TMCO4: variants seen among roughly 807,000 people sequenced by gnomAD.
The protein encoded by TMCO4 is transmembrane and coiled-coil domains 4.
In TMCO4, 58 loss-of-function variants were observed where a neutral mutation model predicts 64.7. The ratio of observed to expected loss-of-function variants is 0.90; its 90% CI spans 0.73 to 1.12. TMCO4 has a LOEUF of 1.12. Ranked by LOEUF, TMCO4 falls within the 50% of genes most tolerant of loss-of-function variation. The probability of loss-of-function intolerance (pLI) is 0.00; values close to 1 mark genes in which losing one functional copy is unlikely to be tolerated. For synonymous variants in TMCO4, 325 were observed against 346.1 expected (o/e 0.94, Z 0.68); for missense variants, 780 against 825.9 (o/e 0.94, Z 0.68).
intron 13 of TMCO4, among the ~76,000 whole-genome samples, chr1:19,709,718 TTC>T (rs988593412): frequency 2.0e-5 from 3 of 151,740 alleles, no homozygotes; most frequent in Non-Finnish European, 4.4e-5. Flanking sequence ...GCTTTTTTGT[TTC>T]TGTTTGTTTT....
intron 13 of TMCO4, among the ~76,000 whole-genome samples, chr1:19,736,102 A>C (rs887772015): frequency 2.0e-5 from 3 of 152,202 alleles, no homozygotes; most frequent in African/African-American, 7.2e-5. Flanking sequence ...AATCGTGAGA[A>C]ATGATCAGTT....
chr1:19,793,487 G>A (rs1048428905), intron 2 of TMCO4, among the ~76,000 whole-genome samples: 2 of 152,092 alleles, frequency 1.3e-5, no homozygotes, highest in Non-Finnish European at 2.9e-5. Context: ...GTCTAGGCAG[G>A]CCCAGGTCAG....
At chr1:19,716,381 C>CTTTTTTTTTTTTTTTTTTTTTTTTTT (rs1262772167) in intron 13 of TMCO4, among the ~76,000 whole-genome samples, 1 of 124,474 alleles carries the variant, frequency 8.0e-6, no homozygotes, top group African/African-American at 3.1e-5. Context: ...TTTTTTCTTT[C>CTTTTTTTTTTTTTTTTTTTTTTTTTT]TTTTTTTTTT....
intron 13 of TMCO4, among the ~76,000 whole-genome samples, 157 bp downstream of exon 13, chr1:19,737,215 C>T (rs150134427): frequency 2.8e-3 from 424 of 152,322 alleles, no homozygotes; most frequent in African/African-American, 8.2e-3. Context: ...AGGTTGATGA[C>T]GATTTTTCTT....
At chr1:19,704,276 G>GCAA (rs2095290729) in intron 13 of TMCO4, among the ~76,000 whole-genome samples, 2 of 152,230 alleles carry the variant, frequency 1.3e-5, no homozygotes, top group African/African-American at 4.8e-5. Context: ...TAGCAAGGAT[G>GCAA]GCTCAGATAT....
At chr1:19,702,984 C>T (rs1222392532) in intron 13 of TMCO4, among the ~76,000 whole-genome samples, 1 of 152,164 alleles carries the variant, frequency 6.6e-6, no homozygotes, top group Non-Finnish European at 1.5e-5. Context: ...TTATTTTTCT[C>T]CTTGTCACAG....
At chr1:19,773,459 C>T (rs1012187930) in intron 4 of TMCO4, among the ~76,000 whole-genome samples, 5 of 152,198 alleles carry the variant, frequency 3.3e-5, no homozygotes, top group Non-Finnish European at 2.9e-5. Context: ...CAGGCCTTTA[C>T]AGCTGTGCAT....
intron 4 of TMCO4, among the ~76,000 whole-genome samples, chr1:19,779,637 CCT>C (rs1282633287): frequency 6.6e-6 from 1 of 152,162 alleles, no homozygotes; most frequent in African/African-American, 2.4e-5. Flanking sequence ...GTATCTGTCC[CCT>C]GTTACAATCA....
chr1:19,702,235 C>T (rs1251518410), intron 13 of TMCO4, among the ~76,000 whole-genome samples: 1 of 136,646 alleles, frequency 7.3e-6, no homozygotes, highest in Non-Finnish European at 1.5e-5. Flanking sequence ...TCCCAAAGTG[C>T]TGGGATTACA....
Position 19,758,816 on chromosome 1 carries a change from C to T in TMCO4, c.383-3050G>A, listed in dbSNP as rs572727003. 5.3e-5 allele frequency among the ~76,000 whole-genome samples: 8 copies of T among 152,276 alleles called. No homozygotes were observed. In the South Asian group the frequency reaches 1.7e-3, roughly 32 times the overall value. On this transcript the variant is annotated intron_variant, in intron 6 of 15. Coordinates refer to ENST00000294543, the MANE Select transcript of TMCO4 (RefSeq NM_181719.7). ...TCCCAATGAAAGGTGCCCCACAGGC[C>T]AGGCGTGGTGGCTCATGCCTGTGCC...
chr1:19,684,063 C>CTTTTT lies in TMCO4; in HGVS notation c.1501-624_1501-620dup, dbSNP rs3048209. Among the ~76,000 whole-genome samples, 645 of 70,314 alleles carry CTTTTT rather than the reference C, an allele frequency of 9.2e-3. 17 individuals carry two copies. The highest frequency in any genetic ancestry group is 0.028 in the African/African-American group (409 of 14,530). 46.1% of individuals were successfully genotyped at this position (70,314 alleles called of 152,430 possible). A position where few individuals can be genotyped will look rare whatever the true frequency, so the allele number is the denominator to read the frequency against. On this transcript the variant is annotated intron_variant, in intron 15 of 15. Coordinates refer to ENST00000294543, the MANE Select transcript of TMCO4 (RefSeq NM_181719.7). ...AGGCGTGAGCCACTGTGCCCGGCAGCTTTTTTTTTTTTTTTTTTTTTTTTT... is the reference window on the plus strand; with the variant it reads ...AGGCGTGAGCCACTGTGCCCGGCAGCTTTTTTTTTTTTTTTTTTTTTTTTTTTTTT...
chr1:19,690,866 CTTT>C (rs34764589), intron 15 of TMCO4, among the ~76,000 whole-genome samples: 3 of 111,274 alleles, frequency 2.7e-5, no homozygotes, highest in African/African-American at 6.9e-5. Context: ...TGTGAAGACT[CTTT>C]TTTTTTTTTT....
intron 13 of TMCO4, among the ~76,000 whole-genome samples, chr1:19,722,444 C>A (rs752020099): frequency 2.0e-5 from 3 of 152,104 alleles, no homozygotes. Context: ...AGCTTAGATG[C>A]GCTATTTTAT....
chr1:19,747,316 A>G, intron 7 of TMCO4, 56 bp from the exon 8 acceptor site: 1 of 1,475,620 alleles, frequency 6.8e-7, no homozygotes, highest in East Asian at 2.3e-5. Context: ...CCCTTGAGAC[A>G]TCCCCACCAC....
At position 19,721,025 on chromosome 1, in the gene TMCO4, T is replaced by G. The variant is rs114808842; in HGVS notation, c.1264+16347A>C. On this transcript the variant is annotated intron_variant, in intron 13 of 15. Coordinates refer to ENST00000294543, the MANE Select transcript of TMCO4 (RefSeq NM_181719.7). ...AATTAACATGTAAGTTAATGAGACT[T>G]TGGGGTGTTTTCTTCTCCGGTTGGA... 2.7e-3 allele frequency among the ~76,000 whole-genome samples: 404 copies of G among 152,238 alleles called. 4 individuals are homozygous for G. Among genetic ancestry groups the G allele is most frequent in the Middle Eastern group, 0.01 (3 of 292 alleles).
chr1:19,787,842 G>A (rs1413318173), intron 2 of TMCO4, among the ~76,000 whole-genome samples: 4 of 152,074 alleles, frequency 2.6e-5, no homozygotes, highest in Admixed American at 6.5e-5. Flanking sequence ...TGCAACCTCC[G>A]CCTCCCAAGT....
chr1:19,798,383 G>C (rs2044438711), intron 1 of TMCO4, among the ~76,000 whole-genome samples, 168 bp from the exon 2 acceptor site: 1 of 152,168 alleles, frequency 6.6e-6, no homozygotes, highest in African/African-American at 2.4e-5. Context: ...CCAGACCCCA[G>C]CTTTTGTGGG....
intron 6 of TMCO4, among the ~76,000 whole-genome samples, chr1:19,770,100 T>C (rs1425158473): frequency 1.3e-5 from 2 of 152,158 alleles, no homozygotes; most frequent in Non-Finnish European, 1.5e-5. Flanking sequence ...AGGGAGCCAC[T>C]TCGAGGCAGT....
chr1:19,772,959 C>CCAAGG (rs2043050610), intron 4 of TMCO4, among the ~76,000 whole-genome samples: 1 of 152,138 alleles, frequency 6.6e-6, no homozygotes, highest in African/African-American at 2.4e-5. Context: ...AGAAGTGGGG[C>CCAAGG]TGGGTGGATC....
Sources: allele counts gnomAD v4.1 joint callset (sites outside exome capture counted in the v4.1 genomes callset), GRCh38; gene constraint gnomAD v4.1.1; transcripts MANE v1.5; gene names NCBI Gene and HGNC (gene_info 2026-07-23, HGNC 2026-07-21).